The following TRHDE variants were observed in gnomAD, a reference collection of about 807,000 sequenced individuals.
TRHDE encodes the protein thyrotropin releasing hormone degrading enzyme.
TRHDE carries 72 observed loss-of-function variants against 125.7 expected under a neutral mutation model. The observed-to-expected ratio is 0.57, with a 90% CI of 0.47 to 0.70. The LOEUF is 0.70. Ranked by LOEUF, TRHDE falls within the 30% of genes least tolerant of loss-of-function variation. The probability of loss-of-function intolerance (pLI) is 0.00; values close to 1 mark genes in which losing one functional copy is unlikely to be tolerated. For missense variants in TRHDE, 1,110 were observed against 1,327.1 expected (o/e 0.84, Z 2.54); for synonymous variants, 509 against 509.1 (o/e 1.00, Z 0.00).
At chr12:72,142,121 T>C (rs1324757332) in intron 2 of TRHDE, among the ~76,000 whole-genome samples, 1 of 151,464 alleles carries the variant, frequency 6.6e-6, no homozygotes, top group Admixed American at 6.6e-5. Flanking sequence ...TACAATTTCC[T>C]AAACACACCG....
intron 7 of TRHDE, among the ~76,000 whole-genome samples, chr12:72,552,706 G>A (rs1334947840): frequency 6.6e-6 from 1 of 152,130 alleles, no homozygotes; most frequent in Non-Finnish European, 1.5e-5. Flanking sequence ...AGTGGAGTAG[G>A]TTAAAGAGTG....
At chr12:72,383,528 C>T (rs1872279590) in intron 3 of TRHDE, among the ~76,000 whole-genome samples, 1 of 151,686 alleles carries the variant, frequency 6.6e-6, no homozygotes, top group African/African-American at 2.4e-5. Flanking sequence ...AGGCATGTGC[C>T]ACCACACCCA....
At chr12:72,436,882 C>T (rs1396993983) in intron 3 of TRHDE, among the ~76,000 whole-genome samples, 5 of 151,816 alleles carry the variant, frequency 3.3e-5, no homozygotes, top group Non-Finnish European at 7.4e-5. Flanking sequence ...TAGAACATTA[C>T]AGCAAAATTT....
At chr12:72,530,506 C>T (rs1156733806) in intron 6 of TRHDE, among the ~76,000 whole-genome samples, 2 of 138,078 alleles carry the variant, frequency 1.4e-5, no homozygotes, top group South Asian at 2.4e-4. Context: ...TTTTCTCAAC[C>T]TCTAAATACT....
rs1869012838 is a variant in TRHDE at position 72,539,078 on chromosome 12, A to G, written c.1723-3213A>G. Among the ~76,000 whole-genome samples, 3 of 151,876 alleles carry G rather than the reference A, an allele frequency of 2.0e-5. No homozygotes were observed. The South Asian group carries it at 6.2e-4, about 31-fold the overall frequency. The stretch of plus-strand genomic sequence containing the variant: ...CATAACATGCAAATGCCTTTTGTTT[A>G]TCTTAACTCATGGAACCCTTATCCA... On this transcript the variant is annotated intron_variant, in intron 6 of 18. Coordinates refer to ENST00000261180, the MANE Select transcript of TRHDE (RefSeq NM_013381.3).
At chr12:72,278,835 G>T (rs984991606) in intron 1 of TRHDE, among the ~76,000 whole-genome samples, 2 of 151,952 alleles carry the variant, frequency 1.3e-5, no homozygotes, top group Admixed American at 1.3e-4. Flanking sequence ...TATATGTTTT[G>T]GTCATTAATC....
At chr12:72,132,553 C>T (rs944706266) in intron 2 of TRHDE, among the ~76,000 whole-genome samples, 2 of 152,200 alleles carry the variant, frequency 1.3e-5, no homozygotes, top group Non-Finnish European at 2.9e-5. Flanking sequence ...AATCTGACCT[C>T]CTTACAATAC....
chr12:72,136,810 GGC>G (rs1338247261), intron 2 of TRHDE, among the ~76,000 whole-genome samples: 1 of 152,150 alleles, frequency 6.6e-6, no homozygotes, highest in Non-Finnish European at 1.5e-5. Flanking sequence ...TGTTTTTTAT[GGC>G]ATATGACCAT....
At chr12:72,527,538 C>T (rs1295759208) in intron 6 of TRHDE, among the ~76,000 whole-genome samples, 16 of 150,152 alleles carry the variant, frequency 1.1e-4, no homozygotes, top group Non-Finnish European at 2.2e-4. Flanking sequence ...TAACTCTTTT[C>T]GCAGTCTCTC....
At chr12:72,537,796 A>G (rs898510318) in intron 6 of TRHDE, among the ~76,000 whole-genome samples, 9 of 152,028 alleles carry the variant, frequency 5.9e-5, no homozygotes, top group African/African-American at 2.2e-4. Flanking sequence ...AGAGCCTGCT[A>G]TGTGCCAGGA....
chr12:72,272,746 G>GGA lies in TRHDE; in HGVS notation c.103_104insGA (p.Ala35GlyfsTer157). 1 of 1,495,436 alleles carries GGA rather than the reference G, an allele frequency of 6.7e-7. No individual in the cohort carries two copies. Among genetic ancestry groups the GGA allele is most frequent in the South Asian group, 1.3e-5 (1 of 78,862 alleles). 92.6% of individuals were successfully genotyped at this position (1,495,436 alleles called of 1,614,324 possible). ...GGAGGAGGAGGAGGAGGAGGAGGGG[G>GGA]CCGAGAAGAGCAGCTCACCCTTCGC... is the stretch of plus-strand genomic sequence containing the variant. On this transcript the variant is annotated frameshift_variant, in exon 1 of 19. Coordinates refer to ENST00000261180, the MANE Select transcript of TRHDE (RefSeq NM_013381.3). LOFTEE classifies it high-confidence loss of function. This position sits in a 1 kb window ranked among gnomAD's most constrained non-coding sequence, Gnocchi z 6.7.
upstream of TRHDE, among the ~76,000 whole-genome samples, chr12:72,271,656 T>C (rs1400677391): frequency 6.6e-6 from 1 of 152,142 alleles, no homozygotes; most frequent in Non-Finnish European, 1.5e-5. Context: ...TGCCTTTCTC[T>C]GGGAGTTTCA....
At chr12:72,142,127 C>G (rs992732342) in intron 2 of TRHDE, among the ~76,000 whole-genome samples, 3 of 151,020 alleles carry the variant, frequency 2.0e-5, no homozygotes, top group Admixed American at 6.6e-5. Context: ...TTCCTAAACA[C>G]ACCGTGCCTG....
At chr12:72,230,471 T>C (rs1222265213) in intron 2 of TRHDE, among the ~76,000 whole-genome samples, 1 of 152,182 alleles carries the variant, frequency 6.6e-6, no homozygotes, top group African/African-American at 2.4e-5. Context: ...ATAGTCAATT[T>C]AGAATATGGA....
intron 7 of TRHDE, among the ~76,000 whole-genome samples, chr12:72,554,530 G>A (rs953665610): frequency 2.0e-5 from 3 of 152,074 alleles, no homozygotes; most frequent in African/African-American, 7.2e-5. Context: ...CACCAGCACC[G>A]GGGCTGAGAG....
chr12:72,576,843 G>A (rs937705764), intron 12 of TRHDE, among the ~76,000 whole-genome samples: 1 of 152,054 alleles, frequency 6.6e-6, no homozygotes, highest in Admixed American at 6.6e-5. Flanking sequence ...TATCAACAAC[G>A]TGGAAATTGC....
At position 72,378,152 on chromosome 12, in the gene TRHDE, G is replaced by A. The variant is rs201416006; in HGVS notation, c.1315+31G>A. ...AATTTTCTTGGTTATTTTATTGGAA[G>A]GGCTCCTTGAAAGTGGAATTTCTTC... On this transcript the variant is annotated intron_variant, in intron 3 of 18. Transcript: ENST00000261180. 5.1e-5 allele frequency: 79 copies of A among 1,545,406 alleles called. No homozygotes were observed. In the East Asian group the frequency reaches 1.7e-3, roughly 32 times the overall value.
intron 2 of TRHDE, among the ~76,000 whole-genome samples, chr12:72,289,429 C>T (rs1039722954): frequency 2.0e-5 from 3 of 152,108 alleles, no homozygotes; most frequent in Non-Finnish European, 1.5e-5. Context: ...CAAATTCAAG[C>T]ATTCAGACTG....
At chr12:72,333,583 A>C (rs1007165676) in intron 2 of TRHDE, among the ~76,000 whole-genome samples, 1 of 152,210 alleles carries the variant, frequency 6.6e-6, no homozygotes, top group African/African-American at 2.4e-5. Flanking sequence ...AACCCAGGAG[A>C]TAGAAATTCA....
Sources: gnomAD v4.1 joint callset for allele counts (sites outside exome capture counted in the v4.1 genomes callset) on GRCh38, gnomAD v4.1.1 for gene constraint, Gnocchi (gnomAD v3.1) non-coding constraint, MANE v1.5 for transcripts, NCBI Gene and HGNC (gene_info 2026-07-23, HGNC 2026-07-21) for gene names.